The following CEP120 variants were observed in gnomAD, a reference collection of about 807,000 sequenced individuals.
CEP120 encodes the protein centrosomal protein of 120 kDa.
A neutral mutation model predicts 126.5 loss-of-function variants in CEP120; 113 were observed. That is an observed-to-expected ratio of 0.89 (90% CI 0.77 to 1.04). CEP120 has a LOEUF of 1.04. CEP120 is among the 50% of genes least tolerant of loss of function. The probability of loss-of-function intolerance (pLI) is 0.00; values close to 1 mark genes in which losing one functional copy is unlikely to be tolerated. For missense variants in CEP120, 1,230 were observed against 1,155.7 expected (o/e 1.06, Z -0.93); for synonymous variants, 400 against 394.3 (o/e 1.01, Z -0.17).
intron 18 of CEP120, among the ~76,000 whole-genome samples, chr5:123,357,464 T>C (rs1042073405): frequency 4.6e-5 from 7 of 152,126 alleles, no homozygotes; most frequent in Non-Finnish European, 8.8e-5. Flanking sequence ...TTCTAGAGTA[T>C]AATAATGGTA....
chr5:123,346,432 A>G lies in CEP120; in HGVS notation c.*87T>C. 1.0e-6 allele frequency: 1 copy of G among 992,362 alleles called. No homozygotes were observed. The highest frequency in any genetic ancestry group is 2.5e-5 in the East Asian group (1 of 39,712). 61.5% of individuals were successfully genotyped at this position (992,362 alleles called of 1,614,324 possible). Reference sequence around the variant, plus strand: ...TATAAAAAATTGAAAATACCATTTTAAAACATCCATTTTCCTCACTTTTGA... The same window carrying G: ...TATAAAAAATTGAAAATACCATTTTGAAACATCCATTTTCCTCACTTTTGA... On this transcript the variant is annotated 3_prime_UTR_variant, in exon 20 of 20. Transcript: ENST00000306467.
At chr5:123,402,523 T>C (rs1773329653) in intron 4 of CEP120, among the ~76,000 whole-genome samples, 1 of 152,150 alleles carries the variant, frequency 6.6e-6, no homozygotes, top group South Asian at 2.1e-4. Context: ...GCAATTCTGC[T>C]GCCTCCGCCT....
Position 123,393,311 on chromosome 5 carries a change from A to C in CEP120, c.799T>G (p.Ser267Ala). 1 of 1,614,170 alleles carries C rather than the reference A, an allele frequency of 6.2e-7. No individual in the cohort carries two copies. Among genetic ancestry groups the C allele is most frequent in the Non-Finnish European group, 8.5e-7 (1 of 1,180,010 alleles). ...GCTGCAATACTCACCTGCAGTTTAG[A>C]CTGAAGAGCCAGGTAAACACGAAGA... is the stretch of plus-strand genomic sequence containing the variant. Reference protein sequence around the residue: ...EILRVYLALQSKLQIHLCCGD... With the variant: ...EILRVYLALQAKLQIHLCCGD... Residue 267 changes from serine (S) to alanine (A), a missense_variant, in exon 6 of 20, where the codon TCT becomes GCT. By Grantham distance (99) the Ser-to-Ala change is moderately conservative. Transcript: ENST00000306467.
rs747232453 is a variant in CEP120 at position 123,416,034 on chromosome 5, T to C, written c.297A>G (p.Leu99=). 6.2e-7 allele frequency: 1 copy of C among 1,613,564 alleles called. No homozygotes were observed. Among genetic ancestry groups the C allele is most frequent in the South Asian group, 1.1e-5 (1 of 91,002 alleles). Residue 99 remains leucine (L), a synonymous_variant, in exon 3 of 20, where the codon TTA becomes TTG. Coordinates refer to ENST00000306467, the MANE Select transcript of CEP120 (RefSeq NM_001375405.1). ...CCTGCTTTGTTTCTTGAGCGGTTCTTAAATCCAGAACGATGTAACCTATGG... is the reference window on the plus strand; with the variant it reads ...CCTGCTTTGTTTCTTGAGCGGTTCTCAAATCCAGAACGATGTAACCTATGG... ...KETIGYIVLD[L]RTAQETKQAP...
At chr5:123,356,400 T>C (rs1466610909) in intron 18 of CEP120, among the ~76,000 whole-genome samples, 1 of 152,134 alleles carries the variant, frequency 6.6e-6, no homozygotes, top group Non-Finnish European at 1.5e-5. Flanking sequence ...AAAATGGCCA[T>C]ACTGCCCATC....
chr5:123,403,100 T>C (rs1392739277), intron 4 of CEP120: 2 of 332,536 alleles, frequency 6.0e-6, no homozygotes, highest in Non-Finnish European at 1.2e-5. Context: ...ACCATATGTA[T>C]ATATACAAAT....
At chr5:123,385,501 A>C (rs1771957893) in intron 10 of CEP120, among the ~76,000 whole-genome samples, 1 of 152,218 alleles carries the variant, frequency 6.6e-6, no homozygotes. Context: ...TTAGGTGCAC[A>C]GTAGGCTATA....
chr5:123,396,725 A>G (rs1022830150), intron 5 of CEP120, among the ~76,000 whole-genome samples: 2 of 152,254 alleles, frequency 1.3e-5, no homozygotes, highest in African/African-American at 4.8e-5. Context: ...ATGAGATTCC[A>G]ACTCAAATCT....
chr5:123,389,365 T>C (rs1772235986), intron 8 of CEP120, among the ~76,000 whole-genome samples: 1 of 152,192 alleles, frequency 6.6e-6, no homozygotes, highest in African/African-American at 2.4e-5. Context: ...AACTATATTA[T>C]TTAATGTCTA....
At chr5:123,393,554 T>C (rs758988822) in intron 5 of CEP120, 57 bp from the exon 6 acceptor site, 37 of 1,377,246 alleles carry the variant, frequency 2.7e-5, no homozygotes, top group Non-Finnish European at 3.8e-5. Flanking sequence ...TGAACATGCT[T>C]AGTGTATCTA....
intron 4 of CEP120, 99 bp from the exon 5 acceptor site, chr5:123,399,383 T>G: frequency 8.8e-7 from 1 of 1,137,068 alleles, no homozygotes; most frequent in Non-Finnish European, 1.3e-6. Context: ...CTTGGTAATT[T>G]TCATGAATAC....
intron 18 of CEP120, among the ~76,000 whole-genome samples, chr5:123,362,653 G>T (rs557746453): frequency 1.3e-5 from 2 of 151,772 alleles, no homozygotes; most frequent in East Asian, 3.9e-4. Context: ...CATGCTAATT[G>T]CTCTAACAGT....
intron 4 of CEP120, 38 bp from the exon 5 acceptor site, chr5:123,399,322 TTG>T: frequency 1.3e-6 from 2 of 1,599,640 alleles, no homozygotes; most frequent in Non-Finnish European, 1.7e-6. Context: ...ACATTGTAGT[TTG>T]TCATAAACCA....
chr5:123,409,345 G>A (rs1293263413), intron 4 of CEP120, among the ~76,000 whole-genome samples: 1 of 152,110 alleles, frequency 6.6e-6, no homozygotes, highest in Admixed American at 6.5e-5. Context: ...AAAACCTGAA[G>A]CATTCAAGAT....
intron 16 of CEP120, among the ~76,000 whole-genome samples, chr5:123,373,433 T>G (rs1207135215): frequency 6.6e-6 from 1 of 152,064 alleles, no homozygotes; most frequent in Admixed American, 6.6e-5. Flanking sequence ...TTCTTGAATT[T>G]GAAGAGTTGA....
At chr5:123,355,487 G>A (rs1181001670) in intron 18 of CEP120, among the ~76,000 whole-genome samples, 4 of 151,996 alleles carry the variant, frequency 2.6e-5, no homozygotes, top group African/African-American at 7.3e-5. Context: ...TCTAACTGGT[G>A]TGAGATAGTA....
intron 9 of CEP120, 55 bp downstream of exon 9, chr5:123,388,377 C>T (rs1438249722): frequency 8.0e-7 from 1 of 1,255,578 alleles, no homozygotes; most frequent in Non-Finnish European, 1.1e-6. Context: ...TCCCCAAACA[C>T]AGGAAAGTCC....
At chr5:123,387,001 T>C (rs1772077415) in intron 9 of CEP120, among the ~76,000 whole-genome samples, 1 of 152,130 alleles carries the variant, frequency 6.6e-6, no homozygotes, top group East Asian at 1.9e-4. Context: ...CTTAGTCAAC[T>C]CCAAAAGGAT....
chr5:123,370,743 T>C (rs554549606), intron 17 of CEP120, among the ~76,000 whole-genome samples: 1 of 146,348 alleles, frequency 6.8e-6, no homozygotes, highest in South Asian at 2.1e-4. Context: ...ATAATGTATG[T>C]ATTATAATAT....
Sources: allele counts gnomAD v4.1 joint callset (sites outside exome capture counted in the v4.1 genomes callset), GRCh38; gene constraint gnomAD v4.1.1; transcripts MANE v1.5; gene names NCBI Gene and HGNC (gene_info 2026-07-23, HGNC 2026-07-21).